FGF14: variants seen among roughly 807,000 people sequenced by gnomAD.
FGF14 encodes fibroblast growth factor 14, also known as fibroblast growth factor homologous factor 4.
In FGF14, 5 loss-of-function variants were observed where a neutral mutation model predicts 25.5. The ratio of observed to expected loss-of-function variants is 0.20; its 90% CI spans 0.10 to 0.41. The LOEUF (loss-of-function observed/expected upper bound fraction) is 0.41. Ranked by LOEUF, FGF14 falls within the 10% of genes least tolerant of loss-of-function variation. FGF14 has a pLI of 1.00. For synonymous variants in FGF14, 138 were observed against 118.3 expected, an observed-to-expected ratio of 1.17 and a Z score of -1.08; for missense variants, 222 against 320.1, an observed-to-expected ratio of 0.69 and a Z score of 2.34.
intron 1 of FGF14, among the ~76,000 whole-genome samples, chr13:102,033,996 C>T (rs1019362869): frequency 6.6e-5 from 10 of 151,974 alleles, no homozygotes; most frequent in East Asian, 1.9e-4. Flanking sequence ...AAGTGAGGAC[C>T]GCACAGCAGA....
chr13:101,781,668 T>C (rs80217847), intron 3 of FGF14, among the ~76,000 whole-genome samples: 54 of 152,338 alleles, frequency 3.5e-4, no homozygotes, highest in East Asian at 2.7e-3. Flanking sequence ...TCTAAAGATA[T>C]ACACTTAGGA....
intron 1 of FGF14, among the ~76,000 whole-genome samples, chr13:102,363,839 T>C (rs1323653624): frequency 2.0e-5 from 3 of 152,324 alleles, no homozygotes; most frequent in Non-Finnish European, 1.5e-5. Context: ...GTCTAACATT[T>C]AACAGGGAGG....
chr13:102,108,369 C>G (rs969779958), intron 1 of FGF14, among the ~76,000 whole-genome samples: 1 of 152,178 alleles, frequency 6.6e-6, no homozygotes, highest in Non-Finnish European at 1.5e-5. Context: ...GTTCGTATTC[C>G]TAACGCTATA....
chr13:101,853,719 G>A (rs1357338315), intron 3 of FGF14, among the ~76,000 whole-genome samples: 1 of 151,958 alleles, frequency 6.6e-6, no homozygotes, highest in Non-Finnish European at 1.5e-5. Context: ...GCCTCCCAAA[G>A]CACTGGGATT....
intron 1 of FGF14, among the ~76,000 whole-genome samples, chr13:102,296,656 A>G (rs2054728317): frequency 6.6e-6 from 1 of 152,176 alleles, no homozygotes; most frequent in Non-Finnish European, 1.5e-5. Flanking sequence ...ACAATTGTGC[A>G]TCCATAGTTC....
At chr13:102,135,359 C>T (rs1302166234) in intron 1 of FGF14, among the ~76,000 whole-genome samples, 4 of 152,136 alleles carry the variant, frequency 2.6e-5, no homozygotes, top group East Asian at 3.9e-4. Flanking sequence ...AAGTCAATTA[C>T]GTGGAACAAA....
chr13:101,719,312 C>T lies in FGF14; in HGVS notation c.*3519G>A, dbSNP rs2034837621. 1 of 152,056 alleles carries T rather than the reference C, an allele frequency of 6.6e-6. No individual in the cohort carries two copies. The highest frequency in any genetic ancestry group is 2.4e-5 in the African/African-American group (1 of 41,406). 9.4% of individuals were successfully genotyped at this position (152,056 alleles called of 1,614,324 possible). A position where few individuals can be genotyped will look rare whatever the true frequency, so the allele number is the denominator to read the frequency against. Reference sequence around the variant, plus strand: ...AGTGGCTAGGTATGATAAAGAACTTCTGCTTGCTCCCCAAGAGGCAAACTA... The same window carrying T: ...AGTGGCTAGGTATGATAAAGAACTTTTGCTTGCTCCCCAAGAGGCAAACTA... On this transcript the variant is annotated 3_prime_UTR_variant, in exon 5 of 5. Coordinates refer to ENST00000376143, the MANE Select transcript of FGF14 (RefSeq NM_004115.4).
intron 1 of FGF14, among the ~76,000 whole-genome samples, chr13:101,905,707 T>C (rs1365730844): frequency 2.0e-5 from 3 of 152,172 alleles, no homozygotes; most frequent in African/African-American, 7.2e-5. Flanking sequence ...ATAATAATAA[T>C]AATAAATTAT....
intron 1 of FGF14, among the ~76,000 whole-genome samples, chr13:102,222,666 C>T (rs1594469361): frequency 6.6e-6 from 1 of 152,308 alleles, no homozygotes; most frequent in South Asian, 2.1e-4. Flanking sequence ...CTAGAGGATA[C>T]TCTTTTAAGA....
chr13:101,844,324 C>T (rs2043339306), intron 3 of FGF14, among the ~76,000 whole-genome samples: 1 of 152,050 alleles, frequency 6.6e-6, no homozygotes, highest in Non-Finnish European at 1.5e-5. Context: ...GTTTGTTGCA[C>T]TCTCAACCTC....
In FGF14 at chr13:101,721,852, A is replaced by G. The variant is rs907657431; in HGVS notation, c.*979T>C. The G allele has an allele frequency of 5.2e-5, 7 of 134,128 alleles. No individual in the cohort carries two copies. The highest frequency in any genetic ancestry group is 4.5e-4 in the Admixed American group (6 of 13,200). 8.3% of individuals were successfully genotyped at this position (134,128 alleles called of 1,614,324 possible). A position where few individuals can be genotyped will look rare whatever the true frequency, so the allele number is the denominator to read the frequency against. On this transcript the variant is annotated 3_prime_UTR_variant, in exon 5 of 5. Transcript: ENST00000376143. Reference sequence around the variant, plus strand: ...CAATTCTTGTAGGTTATAATTACTGATTTTCCTTTTTTTTTTTTTCCAAAT... The same window carrying G: ...CAATTCTTGTAGGTTATAATTACTGGTTTTCCTTTTTTTTTTTTTCCAAAT...
Position 101,722,753 on chromosome 13 carries a change from G to A in FGF14, c.*78C>T, listed in dbSNP as rs187618628. 2.1e-5 allele frequency: 34 copies of A among 1,589,544 alleles called. No individual in the cohort carries two copies. Among genetic ancestry groups the A allele is most frequent in the African/African-American group, 1.3e-4 (10 of 74,428 alleles). On this transcript the variant is annotated 3_prime_UTR_variant, in exon 5 of 5. Transcript: ENST00000376143. Reference sequence around the variant, plus strand: ...TTACTTCCTGCTGCTCTTCAGCCACGGAGCAGGAATGTCTGGTGAGGATAA... The same window carrying A: ...TTACTTCCTGCTGCTCTTCAGCCACAGAGCAGGAATGTCTGGTGAGGATAA...
chr13:102,308,193 T>A (rs556867282), intron 1 of FGF14, among the ~76,000 whole-genome samples: 2 of 152,298 alleles, frequency 1.3e-5, no homozygotes, highest in East Asian at 3.9e-4. Context: ...CTCCCTAAGA[T>A]ACTCAAGATC....
chr13:101,950,866 A>T (rs1320400938), intron 1 of FGF14, among the ~76,000 whole-genome samples: 2 of 128,066 alleles, frequency 1.6e-5, no homozygotes, highest in Non-Finnish European at 3.7e-5. Flanking sequence ...AAATGGCAAG[A>T]TACCACAAAC....
chr13:101,878,016 T>C (rs996684444), intron 1 of FGF14, among the ~76,000 whole-genome samples: 9 of 152,194 alleles, frequency 5.9e-5, no homozygotes, highest in African/African-American at 1.9e-4. Flanking sequence ...TTTCAAATCC[T>C]TCATGTCTGG....
chr13:102,310,492 C>A (rs1387364798), intron 1 of FGF14, among the ~76,000 whole-genome samples: 1 of 151,990 alleles, frequency 6.6e-6, no homozygotes, highest in East Asian at 1.9e-4. Flanking sequence ...AGAATGAAGT[C>A]TTTTTGCTTT....
intron 3 of FGF14, among the ~76,000 whole-genome samples, chr13:101,752,805 A>G (rs1383894916): frequency 1.3e-5 from 2 of 152,220 alleles, no homozygotes; most frequent in African/African-American, 2.4e-5. Context: ...TTCATAGAAC[A>G]GCATCCCAAG....
At chr13:101,969,601 T>C (rs900839870) in intron 1 of FGF14, among the ~76,000 whole-genome samples, 2 of 152,194 alleles carry the variant, frequency 1.3e-5, no homozygotes, top group Non-Finnish European at 2.9e-5. Context: ...CTTATTATCA[T>C]TGCACACACT....
At chr13:102,098,604 C>G (rs1595266916) in intron 1 of FGF14, among the ~76,000 whole-genome samples, 1 of 152,166 alleles carries the variant, frequency 6.6e-6, no homozygotes, top group East Asian at 1.9e-4. Context: ...AATAAGCAAG[C>G]ATTTGTTCAG....
Sources: gnomAD v4.1 joint callset for allele counts (sites outside exome capture counted in the v4.1 genomes callset) on GRCh38, gnomAD v4.1.1 for gene constraint, MANE v1.5 for transcripts, NCBI Gene and HGNC (gene_info 2026-07-23, HGNC 2026-07-21) for gene names.